The following FMN2 variants were observed in gnomAD, a reference collection of about 807,000 sequenced individuals.
The protein encoded by FMN2 is formin 2.
A neutral mutation model predicts 142.3 loss-of-function variants in FMN2; 51 were observed. That is an observed-to-expected ratio of 0.36 (90% confidence interval 0.29 to 0.45). The LOEUF is 0.45. FMN2 is among the 20% of genes least tolerant of loss of function. The probability of loss-of-function intolerance (pLI) is 1.00; values close to 1 mark genes in which losing one functional copy is unlikely to be tolerated. For missense variants in FMN2, 1,936 were observed against 2,122.8 expected (o/e 0.91, Z 1.73); for synonymous variants, 882 against 869.8 (o/e 1.01, Z -0.25).
intron 8 of FMN2, among the ~76,000 whole-genome samples, chr1:240,313,835 G>A (rs1426485430): frequency 2.0e-5 from 3 of 151,930 alleles, no homozygotes; most frequent in Non-Finnish European, 2.9e-5. Flanking sequence ...TTAGCTGGGC[G>A]TGGCGATGTG....
rs1027998528 is a variant in FMN2 at position 240,092,688 on chromosome 1, G to A, written c.579G>A (p.Glu193=). The A allele has an allele frequency of 1.2e-6, 2 of 1,614,064 alleles. No individual in the cohort carries two copies. Among genetic ancestry groups the A allele is most frequent in the South Asian group, 2.2e-5 (2 of 91,084 alleles). ...IYSFHSATEQ[E]DLLSDIQQAI... ...GCTTCCATTCGGCTACGGAGCAAGA[G>A]GATTTGCTTTCAGACATCCAGCAGG... Residue 193 remains glutamate (E), a synonymous_variant, in exon 1 of 18, where the codon GAG becomes GAA. Transcript: ENST00000319653.
intron 4 of FMN2, among the ~76,000 whole-genome samples, chr1:240,206,344 T>A (rs191757893): frequency 1.1e-4 from 16 of 152,346 alleles, no homozygotes; most frequent in Admixed American, 7.8e-4. Flanking sequence ...CATATGGATA[T>A]CAAAAATATT....
chr1:240,180,250 A>AT (rs1180911182), intron 3 of FMN2: 3 of 1,051,178 alleles, frequency 2.9e-6, no homozygotes, highest in Non-Finnish European at 3.9e-6. Context: ...GTCATATAGC[A>AT]TTTTTTCATC....
intron 14 of FMN2, among the ~76,000 whole-genome samples, chr1:240,358,342 T>C (rs1672343705): frequency 1.3e-5 from 2 of 152,224 alleles, no homozygotes; most frequent in Non-Finnish European, 2.9e-5. Flanking sequence ...CAAATGTATG[T>C]AGATCAAGTG....
At position 240,092,229 on chromosome 1, in the gene FMN2, G is replaced by A; in HGVS notation, c.120G>A (p.Gly40=). ...TGGAAGCCACAAAGAAGGGGAGCGGGGGCAAGAAGGCGCTAGGCAAGCACG... is the reference window on the plus strand; with the variant it reads ...TGGAAGCCACAAAGAAGGGGAGCGGAGGCAAGAAGGCGCTAGGCAAGCACG... ...RDVEATKKGS[G]GKKALGKHGK... Residue 40 remains glycine (G), a synonymous_variant, in exon 1 of 18, where the codon GGG becomes GGA. Coordinates refer to ENST00000319653, the MANE Select transcript of FMN2 (RefSeq NM_020066.5). 1.3e-6 allele frequency: 2 copies of A among 1,579,682 alleles called. No individual in the cohort carries two copies. The highest frequency in any genetic ancestry group is 1.7e-6 in the Non-Finnish European group (2 of 1,163,448).
Position 240,346,453 on chromosome 1 carries a change from C to T in FMN2, c.4766-9363C>T, listed in dbSNP as rs528274250. Among the ~76,000 whole-genome samples the T allele has an allele frequency of 6.6e-5, 10 of 152,116 alleles. No individual in the cohort carries two copies. The East Asian group carries it at 1.4e-3, about 21-fold the overall frequency. On this transcript the variant is annotated intron_variant, in intron 13 of 17. Coordinates refer to ENST00000319653, the MANE Select transcript of FMN2 (RefSeq NM_020066.5). The stretch of plus-strand genomic sequence containing the variant: ...CATTGGTAACTGAAACCACAGGAAG[C>T]GAACCCATGGATAAGGGAGGGCAAC...
intron 14 of FMN2, among the ~76,000 whole-genome samples, chr1:240,391,821 T>A: frequency 7.5e-6 from 1 of 133,582 alleles, no homozygotes. Context: ...GAATGCTTAC[T>A]TGTCAAAAAA....
chr1:240,416,595 A>G (rs113208509), intron 15 of FMN2, among the ~76,000 whole-genome samples: 15 of 152,164 alleles, frequency 9.9e-5, no homozygotes, highest in East Asian at 1.9e-4. Context: ...TTTGTAGCCA[A>G]TCTTCTCCTC....
chr1:240,450,197 A>C (rs1675963040), intron 16 of FMN2, among the ~76,000 whole-genome samples: 1 of 152,166 alleles, frequency 6.6e-6, no homozygotes, highest in Admixed American at 6.5e-5. Context: ...ATTACAGCTA[A>C]TATAATTCCT....
At chr1:240,116,915 C>T (rs1015004162) in intron 1 of FMN2, among the ~76,000 whole-genome samples, 6 of 151,780 alleles carry the variant, frequency 4.0e-5, no homozygotes, top group Non-Finnish European at 7.4e-5. Flanking sequence ...GAAGGGAAGC[C>T]AAGAAATGGA....
Position 240,224,862 on chromosome 1 carries a change from C to T in FMN2, c.4065+13627C>T, listed in dbSNP as rs115925737. Among the ~76,000 whole-genome samples, 1,110 of 152,236 alleles carry T rather than the reference C, an allele frequency of 7.3e-3. 7 individuals carry two copies. Among genetic ancestry groups the T allele is most frequent in the African/African-American group, 0.023 (943 of 41,540 alleles). On this transcript the variant is annotated intron_variant, in intron 6 of 17. Coordinates refer to ENST00000319653, the MANE Select transcript of FMN2 (RefSeq NM_020066.5). The stretch of plus-strand genomic sequence containing the variant: ...AGAAATGTAGCAATGTGTAAGAAAA[C>T]AAGAACTAGCATGCAGCAAGGAGTC...
intron 16 of FMN2, among the ~76,000 whole-genome samples, chr1:240,453,229 A>T (rs564018082): frequency 6.6e-6 from 1 of 152,314 alleles, no homozygotes; most frequent in East Asian, 1.9e-4. Flanking sequence ...TAAACTTACT[A>T]TGAGAAAGAT....
intron 15 of FMN2, among the ~76,000 whole-genome samples, chr1:240,399,361 ATT>A (rs1197588191): frequency 6.6e-6 from 1 of 152,206 alleles, no homozygotes; most frequent in African/African-American, 2.4e-5. Context: ...TAAAACAGTT[ATT>A]TAACATGTCT....
chr1:240,270,306 T>A (rs965602282), intron 7 of FMN2, among the ~76,000 whole-genome samples: 1 of 152,128 alleles, frequency 6.6e-6, no homozygotes, highest in African/African-American at 2.4e-5. Flanking sequence ...TAAGTTAATA[T>A]AGCCATTGTG....
intron 6 of FMN2, among the ~76,000 whole-genome samples, chr1:240,214,411 C>T (rs1666810053): frequency 1.3e-5 from 2 of 151,720 alleles, no homozygotes; most frequent in African/African-American, 4.8e-5. Flanking sequence ...ATTAGCCGGG[C>T]GTGGCAGCAG....
intron 14 of FMN2, among the ~76,000 whole-genome samples, chr1:240,392,000 T>G (rs375237378): frequency 8.5e-5 from 13 of 152,182 alleles, no homozygotes; most frequent in African/African-American, 2.9e-4. Flanking sequence ...ATTATCACAT[T>G]CCCCCTTTTC....
chr1:240,462,296 G>A (rs1420993960), intron 16 of FMN2, among the ~76,000 whole-genome samples: 2 of 152,178 alleles, frequency 1.3e-5, no homozygotes, highest in Non-Finnish European at 2.9e-5. Context: ...TAATGGTCAT[G>A]TATTGAAGAC....
intron 8 of FMN2, among the ~76,000 whole-genome samples, chr1:240,299,348 GTAT>G (rs1391942666): frequency 1.3e-5 from 2 of 151,820 alleles, no homozygotes; most frequent in African/African-American, 4.8e-5. Context: ...TTTCCTTTTG[GTAT>G]TATTTTATAA....
At chr1:240,395,303 A>C (rs756844694) in intron 15 of FMN2, among the ~76,000 whole-genome samples, 1 of 152,214 alleles carries the variant, frequency 6.6e-6, no homozygotes, top group Non-Finnish European at 1.5e-5. Flanking sequence ...TCTGCTGGAG[A>C]TGTACAAAGA....
Sources: allele counts gnomAD v4.1 joint callset (sites outside exome capture counted in the v4.1 genomes callset), GRCh38; gene constraint gnomAD v4.1.1; transcripts MANE v1.5; gene names NCBI Gene and HGNC (gene_info 2026-07-23, HGNC 2026-07-21).